Variants in NT5C3A observed in about 807,000 individuals in gnomAD.
NT5C3A encodes the protein 5'-nucleotidase, cytosolic IIIA.
Under a neutral mutation model 40.0 loss-of-function variants are expected in NT5C3A, and 23 were observed. The observed-to-expected ratio is 0.58, with a 90% CI of 0.41 to 0.81. The LOEUF (loss-of-function observed/expected upper bound fraction) is 0.81, where lower values mean the gene tolerates loss of function less well. NT5C3A is among the 40% of genes least tolerant of loss of function. The probability of loss-of-function intolerance (pLI) is 0.00; values close to 1 mark genes in which losing one functional copy is unlikely to be tolerated. For synonymous variants in NT5C3A, 130 were observed against 141.4 expected (o/e 0.92, Z 0.57); for missense variants, 328 against 403.0 (o/e 0.81, Z 1.59).
chr7:33,052,282 G>C (rs1393605869), intron 1 of NT5C3A, among the ~76,000 whole-genome samples: 2 of 151,886 alleles, frequency 1.3e-5, no homozygotes, highest in Admixed American at 6.6e-5. Context: ...TCAGGAGTTC[G>C]AGACCAGCTT....
intron 1 of NT5C3A, among the ~76,000 whole-genome samples, chr7:33,052,774 G>C (rs1787421368): frequency 6.6e-6 from 1 of 152,176 alleles, no homozygotes; most frequent in African/African-American, 2.4e-5. Context: ...TGATTCTCAA[G>C]CTTTAGCACA....
chr7:33,015,749 T>C lies in NT5C3A; in HGVS notation c.815A>G (p.Asp272Gly). 6.2e-7 allele frequency: 1 copy of C among 1,611,014 alleles called. No individual in the cohort carries two copies. Among genetic ancestry groups the C allele is most frequent in the Non-Finnish European group, 8.5e-7 (1 of 1,177,222 alleles). ...TGCCATTCTTAAGTCTCCTTGGGAGTCTCCCAGAAGAATTATGTTACTATT... is the reference window on the plus strand; with the variant it reads ...TGCCATTCTTAAGTCTCCTTGGGAGCCTCCCAGAAGAATTATGTTACTATT... ...KDNSNIILLG[D>G]SQGDLRMADG... The change falls in exon 8 of 9, where the codon GAC becomes GGC. Residue 272 changes from aspartate to glycine, a missense_variant. Around this residue, in one of 3 missense-constraint regions of NT5C3A, gnomAD observed 12 missense variants for 34.7 expected, o/e 0.35. Coordinates refer to ENST00000610140, the MANE Select transcript of NT5C3A (RefSeq NM_001002010.5).
In NT5C3A at chr7:33,030,060, T is replaced by C. The variant is rs192964363; in HGVS notation, c.139-3145A>G. Among the ~76,000 whole-genome samples the C allele has an allele frequency of 4.6e-4, 70 of 152,260 alleles. No homozygotes were observed. In the East Asian group the frequency reaches 6.7e-3, roughly 15 times the overall value. ...AAATGACCATTCTATCTGTCTTGGG[T>C]TATATAGTATACTATACTCCTCTCC... On this transcript the variant is annotated intron_variant, in intron 1 of 8. Transcript: ENST00000610140.
At chr7:33,057,180 C>T (rs1363033027) in intron 1 of NT5C3A, among the ~76,000 whole-genome samples, 2 of 151,664 alleles carry the variant, frequency 1.3e-5, no homozygotes, top group Middle Eastern at 3.4e-3. Context: ...CCAGAGTTGG[C>T]CTATATTGTC....
intron 1 of NT5C3A, among the ~76,000 whole-genome samples, chr7:33,051,593 A>G (rs559343516): frequency 1.3e-5 from 2 of 152,304 alleles, no homozygotes; most frequent in African/African-American, 4.8e-5. Context: ...ATAAAGTCCT[A>G]TAGATTTCAC....
chr7:33,041,221 G>A (rs1359828213), intron 1 of NT5C3A: 3 of 718,552 alleles, frequency 4.2e-6, no homozygotes, highest in Non-Finnish European at 5.1e-6. Flanking sequence ...TTTGTCAGTG[G>A]TTTGTCAGTG....
At chr7:33,019,756 T>C (rs758817192) in intron 5 of NT5C3A, 32 bp from the exon 6 acceptor site, 3 of 1,138,990 alleles carry the variant, frequency 2.6e-6, no homozygotes, top group East Asian at 4.7e-5. Flanking sequence ...AAAAAGACTA[T>C]CAATTAAGAC....
intron 1 of NT5C3A, among the ~76,000 whole-genome samples, chr7:33,037,309 T>G (rs1301115560): frequency 2.0e-5 from 3 of 152,188 alleles, no homozygotes; most frequent in Non-Finnish European, 4.4e-5. Flanking sequence ...TATTCTAAGA[T>G]TTTTGGTTGT....
intron 1 of NT5C3A, 145 bp from the exon 2 acceptor site, chr7:33,027,060 G>T: frequency 1.7e-6 from 1 of 597,612 alleles, no homozygotes; most frequent in Non-Finnish European, 2.9e-6. Flanking sequence ...TCAAATTACC[G>T]TTTATTTATT....
At chr7:33,049,274 A>G (rs1344939103) in intron 1 of NT5C3A, among the ~76,000 whole-genome samples, 1 of 152,228 alleles carries the variant, frequency 6.6e-6, no homozygotes, top group African/African-American at 2.4e-5. Flanking sequence ...TAAACAAGGC[A>G]TAAGAGTATT....
intron 1 of NT5C3A, among the ~76,000 whole-genome samples, chr7:33,028,761 T>C (rs3793328): frequency 0.72 from 110,192 of 152,034 alleles, 40,204 homozygotes; most frequent in African/African-American, 0.79. Context: ...ATAACGAAAG[T>C]GTAGAGGAAA....
chr7:33,057,942 A>ATT (rs1406169175), intron 1 of NT5C3A, among the ~76,000 whole-genome samples: 3 of 152,174 alleles, frequency 2.0e-5, no homozygotes, highest in African/African-American at 7.2e-5. Context: ...TTGTGCTTGC[A>ATT]TTTTACTTCA....
At chr7:33,053,909 T>C (rs1787468795) in intron 1 of NT5C3A, among the ~76,000 whole-genome samples, 1 of 152,156 alleles carries the variant, frequency 6.6e-6, no homozygotes, top group Non-Finnish European at 1.5e-5. Flanking sequence ...GCATTAAAGT[T>C]GAAAATGTGG....
intron 1 of NT5C3A, among the ~76,000 whole-genome samples, chr7:33,059,196 C>G (rs80208126): frequency 0.029 from 4,485 of 152,284 alleles, 113 homozygotes; most frequent in East Asian, 0.14. Flanking sequence ...TTTCTAGCCT[C>G]AATTTATCTT....
intron 1 of NT5C3A, chr7:33,041,016 A>T (rs1786887962): frequency 1.0e-6 from 1 of 985,330 alleles, no homozygotes; most frequent in Non-Finnish European, 1.2e-6. Context: ...ACTGCTGCAC[A>T]GTACTTTATA....
At chr7:33,046,182 C>T (rs1011728809) in intron 1 of NT5C3A, 2 of 152,144 alleles carry the variant, frequency 1.3e-5, no homozygotes, top group Non-Finnish European at 2.9e-5. Flanking sequence ...AATTTACAGA[C>T]ATATGTATAT....
In NT5C3A at chr7:33,014,315, A is replaced by G. The variant is rs577020163; in HGVS notation, c.*415T>C. 1 of 454,476 alleles carries G rather than the reference A, an allele frequency of 2.2e-6. No homozygotes were observed. Among genetic ancestry groups the G allele is most frequent in the African/African-American group, 2.0e-5 (1 of 50,142 alleles). The allele number at this position is 454,476 out of a possible 1,614,324, so 28.2% of individuals were successfully genotyped here. On this transcript the variant is annotated 3_prime_UTR_variant, in exon 9 of 9. Coordinates refer to ENST00000610140, the MANE Select transcript of NT5C3A (RefSeq NM_001002010.5). ...AATTTCAAGAGATGGTGATACCATC[A>G]GCATAATAACCCAAATTACAAAAAT...
chr7:33,035,853 T>C, intron 1 of NT5C3A: 1 of 1,122,300 alleles, frequency 8.9e-7, no homozygotes, highest in Admixed American at 1.7e-5. Context: ...TTCAGTCCCA[T>C]AATTATCTGG....
intron 1 of NT5C3A, among the ~76,000 whole-genome samples, chr7:33,028,821 C>T (rs1396193956): frequency 6.6e-6 from 1 of 151,944 alleles, no homozygotes; most frequent in South Asian, 2.1e-4. Flanking sequence ...TTCAGGAGGT[C>T]GAGGTGGGCA....
Sources: gnomAD v4.1 joint callset for allele counts (sites outside exome capture counted in the v4.1 genomes callset) on GRCh38, gnomAD v4.1.1 for gene constraint, gnomAD v4.1.1 regional missense constraint, MANE v1.5 for transcripts, NCBI Gene and HGNC (gene_info 2026-07-23, HGNC 2026-07-21) for gene names.